The following ZNF385D variants were observed in gnomAD, a reference collection of about 807,000 sequenced individuals.
ZNF385D encodes the protein zinc finger protein 385D.
ZNF385D carries 15 observed loss-of-function variants against 35.8 expected under a neutral mutation model. The ratio of observed to expected loss-of-function variants is 0.42; its 90% CI spans 0.28 to 0.64. The LOEUF (loss-of-function observed/expected upper bound fraction) is 0.64. ZNF385D is among the 30% of genes least tolerant of loss of function. The pLI, the probability that ZNF385D is intolerant of heterozygous loss-of-function variation, is 0.23. For missense variants in ZNF385D, 474 were observed against 494.6 expected, an observed-to-expected ratio of 0.96 and a Z score of 0.39; for synonymous variants, 212 against 186.8, an observed-to-expected ratio of 1.13 and a Z score of -1.10.
intron 3 of ZNF385D, among the ~76,000 whole-genome samples, chr3:21,838,421 G>T (rs1351592069): frequency 1.3e-5 from 2 of 152,102 alleles, no homozygotes; most frequent in African/African-American, 4.8e-5. Flanking sequence ...TTCTCATAAT[G>T]AATTTAGATG....
chr3:21,557,197 C>G (rs1242862398), intron 3 of ZNF385D, among the ~76,000 whole-genome samples: 3 of 152,102 alleles, frequency 2.0e-5, no homozygotes, highest in Non-Finnish European at 4.4e-5. Context: ...ACTTCCGATG[C>G]TATGTTGAAT....
chr3:21,893,418 G>T (rs1698980645), intron 3 of ZNF385D, among the ~76,000 whole-genome samples: 1 of 152,122 alleles, frequency 6.6e-6, no homozygotes, highest in South Asian at 2.1e-4. Flanking sequence ...ATGTCATCGA[G>T]CTGTTTTACT....
chr3:22,091,213 G>T (rs1259034446), intron 3 of ZNF385D, among the ~76,000 whole-genome samples: 1 of 152,132 alleles, frequency 6.6e-6, no homozygotes, highest in Non-Finnish European at 1.5e-5. Context: ...TGGACACCAA[G>T]ATTCCAGACA....
chr3:21,812,186 G>A (rs892861256), intron 3 of ZNF385D, among the ~76,000 whole-genome samples: 18 of 152,168 alleles, frequency 1.2e-4, no homozygotes, highest in Admixed American at 3.3e-4. Flanking sequence ...GGAAGGGGAA[G>A]ATCTTACAGA....
At chr3:22,136,790 A>C (rs764421991) in intron 3 of ZNF385D, among the ~76,000 whole-genome samples, 2 of 152,176 alleles carry the variant, frequency 1.3e-5, no homozygotes, top group Non-Finnish European at 2.9e-5. Context: ...ACTAAAAGAC[A>C]TGGAGGAAAC....
Position 21,423,957 on chromosome 3 carries a change from A to T in ZNF385D, c.954+6T>A. The T allele has an allele frequency of 6.2e-7, 1 of 1,604,544 alleles. No individual in the cohort carries two copies. Among genetic ancestry groups the T allele is most frequent in the Non-Finnish European group, 8.5e-7 (1 of 1,176,870 alleles). On this transcript the variant is annotated splice_donor_region_variant and intron_variant, in intron 7 of 7. Transcript: ENST00000281523. ...AGAGGCTGGACTCTTGCAAAATGAC[A>T]CTCACCCCCAGTGGATGTGCTGTCT...
At chr3:21,458,212 C>T (rs2125303791) in intron 4 of ZNF385D, among the ~76,000 whole-genome samples, 1 of 152,008 alleles carries the variant, frequency 6.6e-6, no homozygotes, top group Middle Eastern at 3.4e-3. Context: ...GTTGCTCATA[C>T]CTGTAATCCT....
rs9825006 is a variant in ZNF385D, at chr3:21,654,042, T to C, written c.165+10844A>G. ...TATGTGATTTCTTTAAAGAAACTGC[T>C]TTAAAATGCCCCAATCTATTGTACA... On this transcript the variant is annotated intron_variant, in intron 2 of 7. Transcript: ENST00000281523. 9.7e-3 allele frequency among the ~76,000 whole-genome samples: 1,479 copies of C among 152,094 alleles called. 31 individuals are homozygous for C. The highest frequency in any genetic ancestry group is 0.033 in the African/African-American group (1,385 of 41,540).
intron 4 of ZNF385D, among the ~76,000 whole-genome samples, chr3:21,495,899 C>T (rs1705802183): frequency 6.6e-6 from 1 of 151,920 alleles, no homozygotes; most frequent in Non-Finnish European, 1.5e-5. Flanking sequence ...ACACAAAACC[C>T]TCAGAGACTA....
intron 3 of ZNF385D, among the ~76,000 whole-genome samples, chr3:22,138,662 T>G (rs1464142499): frequency 6.6e-6 from 1 of 151,944 alleles, no homozygotes; most frequent in Non-Finnish European, 1.5e-5. Flanking sequence ...AGACAAAAAT[T>G]AATTCAAGAT....
intron 1 of ZNF385D, among the ~76,000 whole-genome samples, chr3:21,749,211 C>T (rs2069934018): frequency 6.6e-6 from 1 of 152,108 alleles, no homozygotes. Flanking sequence ...AAATTGATTA[C>T]CCTATGAATC....
intron 3 of ZNF385D, among the ~76,000 whole-genome samples, chr3:22,099,453 T>C (rs1050646915): frequency 6.6e-5 from 10 of 152,080 alleles, no homozygotes; most frequent in African/African-American, 2.4e-4. Flanking sequence ...CATTAAGCAA[T>C]GTTCTCCAGC....
intron 3 of ZNF385D, among the ~76,000 whole-genome samples, chr3:21,968,524 G>GGAGAA (rs1174726596): frequency 6.6e-6 from 1 of 151,878 alleles, no homozygotes; most frequent in African/African-American, 2.4e-5. Context: ...TCTGAGGAGA[G>GGAGAA]GAGAGGAGAG....
At chr3:21,427,931 T>C (rs1475024579) in intron 5 of ZNF385D, among the ~76,000 whole-genome samples, 1 of 152,024 alleles carries the variant, frequency 6.6e-6, no homozygotes, top group Non-Finnish European at 1.5e-5. Flanking sequence ...TGTGGCAACA[T>C]TGGGGAAGGG....
At chr3:22,101,258 A>G (rs1196344647) in intron 3 of ZNF385D, among the ~76,000 whole-genome samples, 3 of 152,132 alleles carry the variant, frequency 2.0e-5, no homozygotes, top group African/African-American at 7.2e-5. Context: ...CTTGTGGGAA[A>G]GTACAAAATA....
chr3:22,083,477 G>C (rs1242226250), intron 3 of ZNF385D, among the ~76,000 whole-genome samples: 1 of 152,144 alleles, frequency 6.6e-6, no homozygotes, highest in East Asian at 1.9e-4. Context: ...GGAAGAAAGG[G>C]TATCAGTGAT....
intron 2 of ZNF385D, among the ~76,000 whole-genome samples, chr3:22,292,027 T>A (rs1294490725): frequency 6.6e-6 from 1 of 152,022 alleles, no homozygotes; most frequent in South Asian, 2.1e-4. Flanking sequence ...CTCCTGAACA[T>A]ATTGGATATT....
chr3:21,932,818 A>G (rs1313792646), intron 3 of ZNF385D, among the ~76,000 whole-genome samples: 2 of 152,134 alleles, frequency 1.3e-5, no homozygotes, highest in Non-Finnish European at 2.9e-5. Flanking sequence ...CATTTTTACA[A>G]ATATGCTTGT....
chr3:21,902,284 T>C (rs1012003106), intron 3 of ZNF385D, among the ~76,000 whole-genome samples: 5 of 152,184 alleles, frequency 3.3e-5, no homozygotes, highest in South Asian at 2.1e-4. Context: ...ATAGGTCTTC[T>C]AGTCCATGAT....
Sources: gnomAD v4.1 joint callset for allele counts (sites outside exome capture counted in the v4.1 genomes callset) on GRCh38, gnomAD v4.1.1 for gene constraint, MANE v1.5 for transcripts, NCBI Gene and HGNC (gene_info 2026-07-23, HGNC 2026-07-21) for gene names.